Variants in LIN9 observed in about 807,000 individuals in gnomAD.
LIN9 encodes protein lin-9 homolog.
A neutral mutation model predicts 78.0 loss-of-function variants in LIN9; 18 were observed. The observed-to-expected ratio is 0.23, with a 90% confidence interval of 0.16 to 0.34. The LOEUF (loss-of-function observed/expected upper bound fraction) is 0.34, where lower values mean the gene tolerates loss of function less well. Among genes scored for constraint, LIN9 ranks in the 10% least tolerant of loss-of-function variants. LIN9 has a pLI of 1.00. For missense variants in LIN9, 451 were observed against 644.1 expected (o/e 0.70, Z 3.25); for synonymous variants, 192 against 215.2 (o/e 0.89, Z 0.94).
At chr1:226,281,728 C>G (rs570119937) in intron 6 of LIN9, among the ~76,000 whole-genome samples, 13 of 148,544 alleles carry the variant, frequency 8.8e-5, no homozygotes, top group Non-Finnish European at 1.8e-4. Context: ...GAGTCTCGCT[C>G]TGTTGCCCAG....
chr1:226,297,797 GT>G lies in LIN9; in HGVS notation c.80del (p.Asn27ThrfsTer46). The G allele has an allele frequency of 6.3e-7, 1 of 1,580,178 alleles. No homozygotes were observed. ...LVSLKEGSLSNTWNEKYSSLQ... is the reference protein window; with the variant it reads ...LVSLKEGSLSXTWNEKYSSLQ... ...AAGAACTGTACTTTTCATTCCACGT[GT>G]TAGATAAGCTTCCTTCTGTAATAAA... On this transcript the variant is annotated frameshift_variant, in exon 3 of 15. Coordinates refer to ENST00000681046, the MANE Select transcript of LIN9 (RefSeq NM_001366245.2). LOFTEE classifies it high-confidence loss of function.
In LIN9 at chr1:226,266,233, G is replaced by A. The variant is rs149663129; in HGVS notation, c.916C>T (p.Pro306Ser). Residue 306 changes from proline to serine, a missense_variant, in exon 9 of 15, where the codon CCT becomes TCT. Transcript: ENST00000681046. Reference sequence around the variant, plus strand: ...CTTACTATAATTGGTGACTGGAGAGGAGGAGTATAATGTAACCGTGGTGGG... The same window carrying A: ...CTTACTATAATTGGTGACTGGAGAGAAGGAGTATAATGTAACCGTGGTGGG... ...MTPPRLHYTP[P>S]LQSPIIDNDP... is the part of the protein sequence containing the mutation. The A allele has an allele frequency of 1.6e-4, 252 of 1,583,992 alleles. No individual in the cohort carries two copies. The highest frequency in any genetic ancestry group is 2.0e-4 in the Non-Finnish European group (232 of 1,161,490).
At chr1:226,297,103 G>A (rs1473659510) in intron 3 of LIN9, among the ~76,000 whole-genome samples, 1 of 152,138 alleles carries the variant, frequency 6.6e-6, no homozygotes, top group Non-Finnish European at 1.5e-5. Context: ...AAGCAGAGAA[G>A]AGGAAGGGAA....
intron 7 of LIN9, among the ~76,000 whole-genome samples, chr1:226,274,947 C>T (rs1351158222): frequency 6.6e-6 from 1 of 152,180 alleles, no homozygotes; most frequent in Non-Finnish European, 1.5e-5. Context: ...GTCTGCTAAT[C>T]CCAACATCTG....
intron 7 of LIN9, among the ~76,000 whole-genome samples, chr1:226,273,248 A>T (rs992507873): frequency 6.9e-5 from 9 of 129,656 alleles, no homozygotes; most frequent in African/African-American, 8.8e-5. Context: ...TTTTTTTTTA[A>T]TTAGGTAATT....
At chr1:226,232,803 CG>C (rs1012114288) in intron 14 of LIN9, 197 bp from the exon 15 acceptor site, 39 of 496,778 alleles carry the variant, frequency 7.9e-5, no homozygotes, top group Non-Finnish European at 1.3e-4. Context: ...AAAGGAGCCA[CG>C]GGGGGCTGGA....
chr1:226,279,228 A>C (rs894945315), intron 6 of LIN9, among the ~76,000 whole-genome samples: 2 of 152,062 alleles, frequency 1.3e-5, no homozygotes, highest in Non-Finnish European at 2.9e-5. Flanking sequence ...GGCACTTTGT[A>C]GTCCGAGGTG....
At chr1:226,285,318 T>G (rs1044236954) in intron 6 of LIN9, among the ~76,000 whole-genome samples, 2 of 152,060 alleles carry the variant, frequency 1.3e-5, no homozygotes, top group Non-Finnish European at 2.9e-5. Flanking sequence ...ACACACTAAA[T>G]AACATATCAA....
At chr1:226,241,575 T>C (rs903789349) in intron 11 of LIN9, among the ~76,000 whole-genome samples, 2 of 152,138 alleles carry the variant, frequency 1.3e-5, no homozygotes, top group Non-Finnish European at 2.9e-5. Context: ...TGGGGTGATA[T>C]AGGCCGGGTG....
intron 7 of LIN9, among the ~76,000 whole-genome samples, chr1:226,277,230 A>AC (rs1391515478): frequency 6.6e-4 from 100 of 150,404 alleles, no homozygotes; most frequent in Admixed American, 1.6e-3. Flanking sequence ...AAAAAAAAAA[A>AC]AAAAAACTTT....
chr1:226,256,395 A>G (rs1009851720), intron 10 of LIN9, among the ~76,000 whole-genome samples: 3 of 151,950 alleles, frequency 2.0e-5, no homozygotes, highest in Non-Finnish European at 4.4e-5. Context: ...ACCCTATGAA[A>G]TTATCATTCA....
Position 226,265,562 on chromosome 1 carries a change from C to T in LIN9, c.1009G>A (p.Gly337Ser). ...ISGSDTETLG[G>S]FPVEFLIQVT... ...TGGATAAGAAATTCTACTGGAAAAC[C>T]ACCTAATGTTTCAGTGTCAGAGCCA... The change falls in exon 10 of 15, where the codon GGT (glycine) becomes AGT (serine). Residue 337 changes from glycine (G) to serine (S), a missense_variant. Coordinates refer to ENST00000681046, the MANE Select transcript of LIN9 (RefSeq NM_001366245.2). This position sits in a 1 kb window ranked among gnomAD's most constrained non-coding sequence, Gnocchi z 4.1. 1 of 1,610,546 alleles carries T rather than the reference C, an allele frequency of 6.2e-7. No homozygotes were observed. The highest frequency in any genetic ancestry group is 8.5e-7 in the Non-Finnish European group (1 of 1,177,004).
chr1:226,301,243 T>C (rs753911622), intron 1 of LIN9, 38 bp from the exon 2 acceptor site: 2 of 1,530,706 alleles, frequency 1.3e-6, no homozygotes, highest in Non-Finnish European at 1.8e-6. Flanking sequence ...AATTATTTCA[T>C]AACCAAAGTG....
intron 11 of LIN9, among the ~76,000 whole-genome samples, chr1:226,246,017 C>A (rs1658454200): frequency 6.6e-6 from 1 of 152,188 alleles, no homozygotes. Flanking sequence ...TACACCCCTA[C>A]CCTGACCAAC....
intron 11 of LIN9, among the ~76,000 whole-genome samples, chr1:226,242,030 G>A (rs6605033): frequency 1 from 152,350 of 152,350 alleles, 76,175 homozygotes; most frequent in Non-Finnish European, 1. Context: ...ATCTTTTTGA[G>A]TATCTCCCAA....
At chr1:226,238,869 CTT>C in intron 12 of LIN9, 100 bp downstream of exon 12, 1 of 1,183,616 alleles carries the variant, frequency 8.4e-7, no homozygotes, top group South Asian at 1.5e-5. Flanking sequence ...TGCTAAAGGA[CTT>C]TATGAAGATA....
intron 11 of LIN9, among the ~76,000 whole-genome samples, chr1:226,247,144 G>A (rs1485245249): frequency 6.6e-6 from 1 of 151,932 alleles, no homozygotes; most frequent in Non-Finnish European, 1.5e-5. Flanking sequence ...TATCCACCGA[G>A]TTCTTAATTT....
chr1:226,309,465 C>T, upstream of LIN9: 1 of 1,100,266 alleles, frequency 9.1e-7, no homozygotes, highest in Non-Finnish European at 1.1e-6. Context: ...CCGCCCGGGC[C>T]CCGCTCCCGG....
At chr1:226,250,736 T>A (rs1658778467) in intron 11 of LIN9, 103 bp downstream of exon 11, 2 of 641,888 alleles carry the variant, frequency 3.1e-6, no homozygotes, top group Non-Finnish European at 5.4e-6. Context: ...AATATTTATC[T>A]GAAGGTTTCC....
Sources: allele counts gnomAD v4.1 joint callset (sites outside exome capture counted in the v4.1 genomes callset), GRCh38; gene constraint gnomAD v4.1.1; non-coding constraint Gnocchi (gnomAD v3.1); transcripts MANE v1.5; gene names NCBI Gene and HGNC (gene_info 2026-07-23, HGNC 2026-07-21).